Variants in BNC1 observed in about 807,000 individuals in gnomAD.
The protein encoded by BNC1 is zinc finger protein basonuclin-1.
Under a neutral mutation model 66.5 loss-of-function variants are expected in BNC1, and 8 were observed. The observed-to-expected ratio is 0.12, with a 90% CI of 0.07 to 0.22. The LOEUF (loss-of-function observed/expected upper bound fraction) is 0.22. Among genes scored for constraint, BNC1 ranks in the 10% least tolerant of loss-of-function variants. The pLI, the probability that BNC1 is intolerant of heterozygous loss-of-function variation, is 1.00. For missense variants in BNC1, 1,069 were observed against 1,241.3 expected (o/e 0.86, Z 2.09); for synonymous variants, 454 against 452.6 (o/e 1.00, Z -0.04).
chr15:83,264,910 T>G (rs1430109102), intron 3 of BNC1, 95 bp from the exon 4 acceptor site: 3 of 1,297,498 alleles, frequency 2.3e-6, no homozygotes, highest in Admixed American at 4.6e-5. Flanking sequence ...GATACTTTTG[T>G]GCATATAGGA....
chr15:83,263,748 T>G lies in BNC1; in HGVS notation c.1503A>C (p.Val501=), dbSNP rs549351242. The change falls in exon 4 of 5, where the codon GTA becomes GTC. Residue 501 remains valine, a synonymous_variant. Transcript: ENST00000345382. ...AAGGGAGTATCCCAGGCGTGTTTGC[T>G]ACCTCGGCAGGCGTGGCTGGACTGC... The part of the protein sequence containing the change: ...FYRSPATPAE[V]ANTPGILPSL... 3 of 1,614,230 alleles carry G rather than the reference T, an allele frequency of 1.9e-6. No homozygotes were observed. Among genetic ancestry groups the G allele is most frequent in the Non-Finnish European group, 2.5e-6 (3 of 1,180,044 alleles).
In BNC1 at chr15:83,280,468, C is replaced by T. The variant is rs534445366; in HGVS notation, c.99+4062G>A. 2.6e-5 allele frequency among the ~76,000 whole-genome samples: 4 copies of T among 152,256 alleles called. No individual in the cohort carries two copies. The South Asian group carries it at 6.2e-4, about 24-fold the overall frequency. ...TACTGCTGCTGATACAAAATAAAGACGAAATTGTGAACATTTCTAAGTAAG... is the reference window on the plus strand; with the variant it reads ...TACTGCTGCTGATACAAAATAAAGATGAAATTGTGAACATTTCTAAGTAAG... On this transcript the variant is annotated intron_variant, in intron 1 of 4. Transcript: ENST00000345382.
At chr15:83,266,762 A>G (rs1390038400) in intron 3 of BNC1, 74 bp downstream of exon 3, 1 of 1,325,368 alleles carries the variant, frequency 7.5e-7, no homozygotes, top group Non-Finnish European at 1.1e-6. Context: ...TTGGGAGGTA[A>G]CTGGGTTACG....
intron 1 of BNC1, among the ~76,000 whole-genome samples, chr15:83,277,765 C>G (rs138397353): frequency 6.6e-6 from 1 of 152,244 alleles, no homozygotes; most frequent in Non-Finnish European, 1.5e-5. Flanking sequence ...TTCACTTAAC[C>G]TGTTGTGAAA....
chr15:83,284,644 C>T lies in BNC1; in HGVS notation c.-16G>A. On this transcript the variant is annotated 5_prime_UTR_variant, in exon 1 of 5. Transcript: ENST00000345382. ...GCCGCCGCATCCACGCTCCGGCCGTCGGGGCGCGACCCGGCGAAGTGGGCG... is the reference window on the plus strand; with the variant it reads ...GCCGCCGCATCCACGCTCCGGCCGTTGGGGCGCGACCCGGCGAAGTGGGCG... 1.0e-6 allele frequency: 1 copy of T among 985,808 alleles called. No individual in the cohort carries two copies. Among genetic ancestry groups the T allele is most frequent in the South Asian group, 4.6e-5 (1 of 21,844 alleles). The allele number at this position is 985,808 out of a possible 1,614,324, so 61.1% of individuals were successfully genotyped here.
chr15:83,284,480 C>A (rs1267393475), intron 1 of BNC1, 50 bp downstream of exon 1: 1 of 1,131,440 alleles, frequency 8.8e-7, no homozygotes, highest in South Asian at 2.5e-5. Flanking sequence ...CCCGGGCCGC[C>A]TGCTCCGCGC....
chr15:83,276,758 A>C (rs1308722102), intron 1 of BNC1, among the ~76,000 whole-genome samples: 1 of 152,234 alleles, frequency 6.6e-6, no homozygotes, highest in Non-Finnish European at 1.5e-5. Context: ...TCATGCCCTA[A>C]GGATGGCTGA....
At position 83,263,999 on chromosome 15, in the gene BNC1, T is replaced by C. The variant is rs766175957; in HGVS notation, c.1252A>G (p.Asn418Asp). 11 of 1,614,076 alleles carry C rather than the reference T, an allele frequency of 6.8e-6. No individual in the cohort carries two copies. The South Asian group carries it at 1.2e-4, about 18-fold the overall frequency. The change falls in exon 4 of 5, where the codon AAC (asparagine) becomes GAC (aspartate). Residue 418 changes from asparagine (N) to aspartate (D), a missense_variant. Around this residue, in one of 7 missense-constraint regions of BNC1, gnomAD observed 657 missense variants for 715.8 expected, o/e 0.92. Transcript: ENST00000345382. ...NPNPRLHMPM[N>D]RNNRDKDLRN... ...AGGTCTTTGTCCCGGTTATTTCTGT[T>C]CATTGGCATGTGCAGCCGAGGGTTG...
In BNC1 at chr15:83,257,711, A is replaced by G. The variant is rs1356713755; in HGVS notation, c.2716T>C (p.Tyr906His). The G allele has an allele frequency of 1.9e-6, 3 of 1,614,068 alleles. No homozygotes were observed. The South Asian group carries it at 3.3e-5, about 18-fold the overall frequency. The part of the protein sequence containing the change: ...GSSLVPGEDE[Y>H]PICVLMEKAD... ...TTCTCCATCAGGACACAGATGGGGT[A>G]CTCATCTTCCCCAGGGACAAGGCTC... The change falls in exon 5 of 5, where the codon TAC becomes CAC. Residue 906 changes from tyrosine (Y) to histidine (H), a missense_variant. By Grantham distance (83) the Tyr-to-His change is moderately conservative. Coordinates refer to ENST00000345382, the MANE Select transcript of BNC1 (RefSeq NM_001717.4).
chr15:83,283,432 C>T (rs1266157047), intron 1 of BNC1: 3 of 1,244,018 alleles, frequency 2.4e-6, no homozygotes, highest in South Asian at 2.7e-5. Flanking sequence ...TCGCCGCCGC[C>T]GCCCGGCTCC....
Position 83,264,638 on chromosome 15 carries a change from T to C in BNC1, c.613A>G (p.Arg205Gly), listed in dbSNP as rs1260922986. The C allele has an allele frequency of 6.2e-7, 1 of 1,614,138 alleles. No individual in the cohort carries two copies. Among genetic ancestry groups the C allele is most frequent in the South Asian group, 1.1e-5 (1 of 91,068 alleles). ...TGACTGCAGCTCTCGATGAAAGCCC[T>C]GATATCTACATTTGCTGTGGAAGGT... The part of the protein sequence containing the change: ...IPPSTANVDI[R>G]AFIESCSHRS... Residue 205 changes from arginine to glycine, a missense_variant, in exon 4 of 5, where the codon AGG (arginine) becomes GGG (glycine). Transcript: ENST00000345382.
chr15:83,278,580 C>A (rs1404985584), intron 1 of BNC1, among the ~76,000 whole-genome samples: 1 of 152,094 alleles, frequency 6.6e-6, no homozygotes, highest in Non-Finnish European at 1.5e-5. Context: ...GGAAAAAAAT[C>A]AAATGTGTAT....
chr15:83,272,235 T>A (rs754219854), intron 1 of BNC1, among the ~76,000 whole-genome samples: 6 of 152,192 alleles, frequency 3.9e-5, no homozygotes, highest in Admixed American at 6.5e-5. Flanking sequence ...TTTTTTAAAA[T>A]TTTTATTTAT....
Position 83,257,297 on chromosome 15 carries a change from A to G in BNC1, c.*145T>C. On this transcript the variant is annotated 3_prime_UTR_variant, in exon 5 of 5. Coordinates refer to ENST00000345382, the MANE Select transcript of BNC1 (RefSeq NM_001717.4). ...TTCCCACGAGGTTTGTCTTTTGCTC[A>G]TTGTGCTGTGGAAAACTATAAAGTC... The G allele has an allele frequency of 1.0e-6, 1 of 962,172 alleles. No homozygotes were observed. Among genetic ancestry groups the G allele is most frequent in the Non-Finnish European group, 1.5e-6 (1 of 650,672 alleles). The allele number at this position is 962,172 out of a possible 1,614,324, so 59.6% of individuals were successfully genotyped here. A position where few individuals can be genotyped will look rare whatever the true frequency, so the allele number is the denominator to read the frequency against.
chr15:83,259,180 T>C (rs2038116112), intron 4 of BNC1, among the ~76,000 whole-genome samples: 1 of 152,232 alleles, frequency 6.6e-6, no homozygotes, highest in South Asian at 2.1e-4. Context: ...ATGTTATCAT[T>C]TGGAATTAAC....
At position 83,260,273 on chromosome 15, in the gene BNC1, A is replaced by C. The variant is rs535217834; in HGVS notation, c.2301-2147T>G. Among the ~76,000 whole-genome samples, 204 of 152,330 alleles carry C rather than the reference A, an allele frequency of 1.3e-3. 1 individual carries two copies. Among genetic ancestry groups the C allele is most frequent in the African/African-American group, 4.7e-3 (194 of 41,568 alleles). On this transcript the variant is annotated intron_variant, in intron 4 of 4. Coordinates refer to ENST00000345382, the MANE Select transcript of BNC1 (RefSeq NM_001717.4). The stretch of plus-strand genomic sequence containing the variant: ...CATTAATGAGATTTACAAAAATGTA[A>C]AACAAAGCCACTCATCTCACTAAAT...
At position 83,264,388 on chromosome 15, in the gene BNC1, C is replaced by A. The variant is rs1458493750; in HGVS notation, c.863G>T (p.Ser288Ile). The change falls in exon 4 of 5, where the codon AGC (serine) becomes ATC (isoleucine). Residue 288 changes from serine (S) to isoleucine (I), a missense_variant. By Grantham distance (142) the Ser-to-Ile change is moderately radical. Around this residue, in one of 7 missense-constraint regions of BNC1, gnomAD observed 181 missense variants for 181.5 expected, o/e 1.00. Transcript: ENST00000345382. ...TGGTGTGGAACTGGAAGTTAAGAAG[C>A]TGCTGTCAGGGAAGGGCCCATGGAC... Reference protein sequence around the residue: ...QEVHGPFPDSSFLTSSSTPFQ... With the variant: ...QEVHGPFPDSIFLTSSSTPFQ... The A allele has an allele frequency of 6.2e-7, 1 of 1,613,990 alleles. No homozygotes were observed. The highest frequency in any genetic ancestry group is 8.5e-7 in the Non-Finnish European group (1 of 1,180,024).
intron 1 of BNC1, chr15:83,283,485 G>A: frequency 2.0e-6 from 2 of 985,320 alleles, no homozygotes; most frequent in Middle Eastern, 5.2e-4. Flanking sequence ...GGCGAGCCAC[G>A]CGCTCGCAGG....
intron 4 of BNC1, among the ~76,000 whole-genome samples, chr15:83,260,972 G>T (rs1490765761): frequency 1.3e-5 from 2 of 152,222 alleles, no homozygotes; most frequent in Non-Finnish European, 2.9e-5. Flanking sequence ...CTTTCCTGTT[G>T]TGGTGGGGGA....
Sources: gnomAD v4.1 joint callset for allele counts (sites outside exome capture counted in the v4.1 genomes callset) on GRCh38, gnomAD v4.1.1 for gene constraint, gnomAD v4.1.1 regional missense constraint, MANE v1.5 for transcripts, NCBI Gene and HGNC (gene_info 2026-07-23, HGNC 2026-07-21) for gene names.